PHACTR1: variants seen among roughly 807,000 people sequenced by gnomAD.
The protein encoded by PHACTR1 is RPEL repeat containing 1.
In PHACTR1, 16 loss-of-function variants were observed where a neutral mutation model predicts 69.2. The observed-to-expected ratio is 0.23, with a 90% CI of 0.16 to 0.35. PHACTR1 has a LOEUF of 0.35. Ranked by LOEUF, PHACTR1 falls within the 10% of genes least tolerant of loss-of-function variation. The probability of loss-of-function intolerance (pLI) is 1.00; values close to 1 mark genes in which losing one functional copy is unlikely to be tolerated. For missense variants in PHACTR1, 510 were observed against 734.7 expected (o/e 0.69, Z 3.54); for synonymous variants, 312 against 284.5 (o/e 1.10, Z -0.97).
intron 4 of PHACTR1, among the ~76,000 whole-genome samples, chr6:12,797,158 CA>C (rs1773124704): frequency 6.6e-6 from 1 of 151,918 alleles, no homozygotes; most frequent in Non-Finnish European, 1.5e-5. Context: ...TAGGTGTGCA[CA>C]ATAGATGAAG....
chr6:13,286,651 A>T (rs1413784119), intron 14 of PHACTR1, among the ~76,000 whole-genome samples: 1 of 152,258 alleles, frequency 6.6e-6, no homozygotes. Flanking sequence ...ACAGTCCAGC[A>T]TCATGATGAT....
At chr6:13,266,248 T>G (rs1244556191) in intron 10 of PHACTR1, among the ~76,000 whole-genome samples, 7 of 152,152 alleles carry the variant, frequency 4.6e-5, no homozygotes, top group Admixed American at 4.6e-4. Flanking sequence ...TGCACATCAC[T>G]GCCACAGCCT....
chr6:13,200,357 C>T lies in PHACTR1; in HGVS notation c.665-5458C>T, dbSNP rs190184159. On this transcript the variant is annotated intron_variant, in intron 7 of 14. Transcript: ENST00000332995. ...TCCCGAGTAGCTGGGATTGCAGGCACGTGCCACCACGCCCAGCTAATTTTT... is the reference window on the plus strand; with the variant it reads ...TCCCGAGTAGCTGGGATTGCAGGCATGTGCCACCACGCCCAGCTAATTTTT... Among the ~76,000 whole-genome samples the T allele has an allele frequency of 1.1e-4, 16 of 152,178 alleles. No homozygotes were observed. The East Asian group carries it at 2.9e-3, about 28-fold the overall frequency.
chr6:12,955,859 C>T (rs946460727), intron 4 of PHACTR1, among the ~76,000 whole-genome samples: 2 of 152,166 alleles, frequency 1.3e-5, no homozygotes, highest in Non-Finnish European at 2.9e-5. Context: ...TTCTAACTCC[C>T]GCCTATGACA....
chr6:13,284,564 A>ACACG (rs1372166208), intron 13 of PHACTR1, among the ~76,000 whole-genome samples: 7 of 121,106 alleles, frequency 5.8e-5, no homozygotes, highest in Admixed American at 1.7e-4. Flanking sequence ...ATATATATAT[A>ACACG]TATATAGATA....
chr6:13,273,025 A>G, intron 11 of PHACTR1, 110 bp downstream of exon 11: 1 of 1,465,140 alleles, frequency 6.8e-7, no homozygotes, highest in Non-Finnish European at 9.3e-7. Context: ...AGCATTGAAA[A>G]CCTTTCTAAC....
chr6:12,891,897 A>T (rs757575365), intron 4 of PHACTR1, among the ~76,000 whole-genome samples: 7 of 152,204 alleles, frequency 4.6e-5, no homozygotes, highest in Admixed American at 1.3e-4. Flanking sequence ...CCTTATCTGT[A>T]AAACAGGGAT....
intron 4 of PHACTR1, among the ~76,000 whole-genome samples, chr6:12,753,587 C>CT (rs1281796608): frequency 6.6e-6 from 1 of 152,048 alleles, no homozygotes; most frequent in Non-Finnish European, 1.5e-5. Context: ...ATCAGAATTG[C>CT]TTTGTATGGG....
At chr6:12,723,726 G>A (rs1762431128) in intron 3 of PHACTR1, among the ~76,000 whole-genome samples, 1 of 151,998 alleles carries the variant, frequency 6.6e-6, no homozygotes, top group South Asian at 2.1e-4. Flanking sequence ...GCCTCAAGCA[G>A]TCCTCCCACC....
intron 7 of PHACTR1, among the ~76,000 whole-genome samples, chr6:13,199,257 T>G (rs569002185): frequency 6.6e-6 from 1 of 151,866 alleles, no homozygotes; most frequent in South Asian, 2.1e-4. Flanking sequence ...CTTGGTGGCG[T>G]GCACCTATAA....
intron 4 of PHACTR1, among the ~76,000 whole-genome samples, chr6:12,930,882 C>A (rs1788788819): frequency 6.6e-6 from 1 of 151,708 alleles, no homozygotes; most frequent in Admixed American, 6.6e-5. Context: ...GAAACCCCAT[C>A]TCTACTAAAA....
chr6:13,237,158 C>G (rs188578906), intron 10 of PHACTR1, among the ~76,000 whole-genome samples: 1 of 152,190 alleles, frequency 6.6e-6, no homozygotes, highest in African/African-American at 2.4e-5. Context: ...AGAAGGATCA[C>G]TTGAGCCCAG....
In PHACTR1 at chr6:13,133,932, C is replaced by T. The variant is rs189379433; in HGVS notation, c.416-26272C>T. Reference sequence around the variant, plus strand: ...CGCCCATCGTCTGAGATGTGGGGAGCGCCTCTGCCCCGCCACCCCGTCTAT... The same window carrying T: ...CGCCCATCGTCTGAGATGTGGGGAGTGCCTCTGCCCCGCCACCCCGTCTAT... On this transcript the variant is annotated intron_variant, in intron 5 of 14. Transcript: ENST00000332995. Among the ~76,000 whole-genome samples, 1,036 of 151,188 alleles carry T rather than the reference C, an allele frequency of 6.9e-3. 4 individuals are homozygous for T. Among genetic ancestry groups the T allele is most frequent in the African/African-American group, 0.024 (968 of 41,130 alleles).
intron 4 of PHACTR1, among the ~76,000 whole-genome samples, chr6:13,004,368 C>T (rs1300030404): frequency 6.6e-6 from 1 of 152,032 alleles, no homozygotes; most frequent in African/African-American, 2.4e-5. Context: ...TAGCATTTCT[C>T]TGATTAGTGA....
intron 4 of PHACTR1, among the ~76,000 whole-genome samples, chr6:12,853,753 A>T (rs867081185): frequency 3.3e-5 from 5 of 152,190 alleles, no homozygotes; most frequent in Admixed American, 6.5e-5. Context: ...CACTATCATG[A>T]GAACAGGATG....
intron 4 of PHACTR1, among the ~76,000 whole-genome samples, chr6:12,974,220 A>T (rs1477946110): frequency 6.6e-6 from 1 of 152,122 alleles, no homozygotes; most frequent in Non-Finnish European, 1.5e-5. Flanking sequence ...GTGCCTGGCC[A>T]GGAGTGTGAG....
At position 12,827,533 on chromosome 6, in the gene PHACTR1, A is replaced by T. The variant is rs1239577966; in HGVS notation, c.250+77743A>T. 2.0e-5 allele frequency among the ~76,000 whole-genome samples: 3 copies of T among 152,224 alleles called. No individual in the cohort carries two copies. The East Asian group carries it at 5.8e-4, about 29-fold the overall frequency. On this transcript the variant is annotated intron_variant, in intron 4 of 14. Transcript: ENST00000332995. ...TGTATGGAGAATCTACCTCTGGAAG[A>T]TAATTTGAAATGACCACCACATCAG... is the stretch of plus-strand genomic sequence containing the variant.
chr6:13,061,756 T>C (rs568502399), intron 5 of PHACTR1, among the ~76,000 whole-genome samples: 1 of 152,338 alleles, frequency 6.6e-6, no homozygotes, highest in East Asian at 1.9e-4. Context: ...ATTTCCTCTT[T>C]GGTTTTTGCA....
At chr6:12,906,228 A>C (rs1334187581) in intron 4 of PHACTR1, among the ~76,000 whole-genome samples, 3 of 152,080 alleles carry the variant, frequency 2.0e-5, no homozygotes, top group Admixed American at 6.5e-5. Flanking sequence ...TCGACTATAG[A>C]ATTACTGCAA....
Sources: gnomAD v4.1 joint callset for allele counts (sites outside exome capture counted in the v4.1 genomes callset) on GRCh38, gnomAD v4.1.1 for gene constraint, MANE v1.5 for transcripts, NCBI Gene and HGNC (gene_info 2026-07-23, HGNC 2026-07-21) for gene names.